The following DLG2 variants were observed in gnomAD, a reference collection of about 807,000 sequenced individuals.
DLG2 encodes the protein discs large MAGUK scaffold protein 2.
Under a neutral mutation model 132.5 loss-of-function variants are expected in DLG2, and 45 were observed. The observed-to-expected ratio is 0.34, with a 90% CI of 0.27 to 0.44. The LOEUF is 0.44. Among genes scored for constraint, DLG2 ranks in the 20% least tolerant of loss-of-function variants. The pLI is 1.00. For missense variants in DLG2, 1,045 were observed against 1,196.9 expected, an observed-to-expected ratio of 0.87 and a Z score of 1.87; for synonymous variants, 424 against 419.6, an observed-to-expected ratio of 1.01 and a Z score of -0.13.
Position 83,541,685 on chromosome 11 carries a change from C to A in DLG2, c.2114G>T (p.Arg705Met), listed in dbSNP as rs1392320455. ...SEEMGVIPSK[R>M]RVERKERARL... ...CTAGTACAAAAGGCATTCTTACCTC[C>A]TTTTGCTGGGGATGACCCCCATCTC... Residue 705 changes from arginine to methionine, a missense_variant, in exon 20 of 28, where the codon AGG (arginine) becomes ATG (methionine). Around this residue, in one of 4 missense-constraint regions of DLG2, gnomAD observed 398 missense variants for 543.6 expected, o/e 0.73. Coordinates refer to ENST00000376104, the MANE Select transcript of DLG2 (RefSeq NM_001142699.3). The A allele has an allele frequency of 6.3e-7, 1 of 1,599,718 alleles. No individual in the cohort carries two copies. Among genetic ancestry groups the A allele is most frequent in the African/African-American group, 1.3e-5 (1 of 74,256 alleles).
intron 7 of DLG2, among the ~76,000 whole-genome samples, chr11:84,391,907 C>T (rs1320352272): frequency 6.6e-6 from 1 of 152,010 alleles, no homozygotes; most frequent in African/African-American, 2.4e-5. Flanking sequence ...CCATAAGTGC[C>T]ACCAGCGTTA....
At chr11:84,076,851 C>A (rs2096836691) in intron 10 of DLG2, among the ~76,000 whole-genome samples, 1 of 152,174 alleles carries the variant, frequency 6.6e-6, no homozygotes, top group Non-Finnish European at 1.5e-5. Context: ...GCTAATAATT[C>A]CAAGAGAAAA....
chr11:83,664,347 C>T (rs569860065), intron 18 of DLG2, among the ~76,000 whole-genome samples: 5 of 151,826 alleles, frequency 3.3e-5, no homozygotes, highest in Admixed American at 2.0e-4. Flanking sequence ...TTGTAAGCTT[C>T]GCGGTGTCTG....
chr11:83,709,853 G>C (rs147271560), intron 18 of DLG2, among the ~76,000 whole-genome samples: 3 of 152,176 alleles, frequency 2.0e-5, no homozygotes, highest in Non-Finnish European at 4.4e-5. Flanking sequence ...GGTTCTAAGC[G>C]TAAGTAGGTG....
At chr11:84,256,077 C>A (rs915040983) in intron 7 of DLG2, among the ~76,000 whole-genome samples, 7 of 151,924 alleles carry the variant, frequency 4.6e-5, no homozygotes, top group Admixed American at 4.6e-4. Flanking sequence ...ATGTGACATA[C>A]AAATGTTCTC....
intron 14 of DLG2, among the ~76,000 whole-genome samples, chr11:83,952,272 A>G (rs2085652772): frequency 6.6e-6 from 1 of 152,122 alleles, no homozygotes. Context: ...CTTGAGCCCC[A>G]GGAGGCTGAG....
chr11:83,811,114 T>A (rs1215104317), intron 17 of DLG2, among the ~76,000 whole-genome samples: 1 of 152,128 alleles, frequency 6.6e-6, no homozygotes, highest in African/African-American at 2.4e-5. Context: ...TGTACATCTA[T>A]TAAGTGATGA....
chr11:84,287,836 T>C (rs769022924), intron 7 of DLG2, among the ~76,000 whole-genome samples: 2 of 151,846 alleles, frequency 1.3e-5, no homozygotes, highest in African/African-American at 2.4e-5. Context: ...ATAATGACTT[T>C]GAGGTTTCCA....
intron 19 of DLG2, among the ~76,000 whole-genome samples, chr11:83,578,227 C>T (rs541082825): frequency 2.0e-5 from 3 of 151,324 alleles, no homozygotes; most frequent in African/African-American, 7.3e-5. Context: ...AACATGTACA[C>T]TACAAACCCT....
At chr11:85,431,196 C>G (rs1481886534) in intron 3 of DLG2, among the ~76,000 whole-genome samples, 1 of 152,128 alleles carries the variant, frequency 6.6e-6, no homozygotes, top group Non-Finnish European at 1.5e-5. Flanking sequence ...GTGAATCCTG[C>G]ACCAGCAGCT....
chr11:83,668,772 C>T lies in DLG2; in HGVS notation c.1826-35447G>A, dbSNP rs1385100105. On this transcript the variant is annotated intron_variant, in intron 18 of 27. Coordinates refer to ENST00000376104, the MANE Select transcript of DLG2 (RefSeq NM_001142699.3). ...ACACACATATATATGTGTATATAAACACACATATATATGTGTATATAAACA... is the reference window on the plus strand; with the variant it reads ...ACACACATATATATGTGTATATAAATACACATATATATGTGTATATAAACA... Among the ~76,000 whole-genome samples the T allele has an allele frequency of 2.4e-5, 3 of 123,768 alleles. 1 individual carries two copies. Among genetic ancestry groups the T allele is most frequent in the African/African-American group, 1.2e-4 (3 of 24,980 alleles). 81.2% of individuals were successfully genotyped at this position (123,768 alleles called of 152,430 possible).
intron 6 of DLG2, among the ~76,000 whole-genome samples, chr11:85,020,222 T>C (rs1243108256): frequency 6.6e-6 from 1 of 152,236 alleles, no homozygotes; most frequent in Non-Finnish European, 1.5e-5. Flanking sequence ...TGGCCAGTAA[T>C]GATGAGCATT....
chr11:83,491,912 ACAT>A (rs2093871512), intron 21 of DLG2, among the ~76,000 whole-genome samples: 2 of 151,546 alleles, frequency 1.3e-5, no homozygotes, highest in African/African-American at 4.9e-5. Context: ...AAATATCGTA[ACAT>A]CATCTACACC....
chr11:84,716,707 C>CAA (rs397848908), intron 6 of DLG2, among the ~76,000 whole-genome samples: 37 of 78,462 alleles, frequency 4.7e-4, no homozygotes, highest in Admixed American at 1.7e-3. Context: ...TGGACAGGGG[C>CAA]AAAAAAAAAA....
chr11:84,315,640 C>A (rs1400526713), intron 7 of DLG2, among the ~76,000 whole-genome samples: 2 of 152,034 alleles, frequency 1.3e-5, no homozygotes, highest in Non-Finnish European at 2.9e-5. Flanking sequence ...TAAGCCAAAC[C>A]AGTTTAATAA....
intron 19 of DLG2, among the ~76,000 whole-genome samples, chr11:83,554,036 C>A (rs2096461105): frequency 1.3e-5 from 2 of 151,814 alleles, no homozygotes; most frequent in East Asian, 1.9e-4. Flanking sequence ...TGAGTAGTAA[C>A]CATGTCGGGC....
intron 6 of DLG2, among the ~76,000 whole-genome samples, chr11:85,016,529 T>G (rs2059591097): frequency 6.6e-6 from 1 of 152,132 alleles, no homozygotes; most frequent in Non-Finnish European, 1.5e-5. Context: ...GGTGCAACTC[T>G]TCAGCAAAAT....
rs576563627 is a variant in DLG2 at position 84,761,354 on chromosome 11, T to C, written c.358-226623A>G. On this transcript the variant is annotated intron_variant, in intron 6 of 27. Coordinates refer to ENST00000376104, the MANE Select transcript of DLG2 (RefSeq NM_001142699.3). The stretch of plus-strand genomic sequence containing the variant: ...CTTTTTGCCCTTTCTTTTGAATGGA[T>C]CTCTGAAAGGGCAGACAGCCTAGCA... 3.3e-5 allele frequency among the ~76,000 whole-genome samples: 5 copies of C among 152,250 alleles called. No homozygotes were observed. In the East Asian group the frequency reaches 9.7e-4, roughly 29 times the overall value.
At chr11:85,061,537 G>C (rs1162117314) in intron 6 of DLG2, among the ~76,000 whole-genome samples, 2 of 151,600 alleles carry the variant, frequency 1.3e-5, no homozygotes, top group African/African-American at 4.8e-5. Context: ...GTCAGTCAAG[G>C]CTCAAAAAAA....
Sources: allele counts gnomAD v4.1 joint callset (sites outside exome capture counted in the v4.1 genomes callset), GRCh38; gene constraint gnomAD v4.1.1; regional missense constraint gnomAD v4.1.1; transcripts MANE v1.5; gene names NCBI Gene and HGNC (gene_info 2026-07-23, HGNC 2026-07-21).